The following KIRREL3 variants were observed in gnomAD, a reference collection of about 807,000 sequenced individuals.
The protein encoded by KIRREL3 is kirre like nephrin family adhesion molecule 3.
In KIRREL3, 36 loss-of-function variants were observed where a neutral mutation model predicts 89.7. The observed-to-expected ratio is 0.40, with a 90% CI of 0.31 to 0.53. The LOEUF is 0.53. KIRREL3 is among the 20% of genes least tolerant of loss of function. The pLI is 0.49. For synonymous variants in KIRREL3, 445 were observed against 441.4 expected (o/e 1.01, Z -0.10); for missense variants, 864 against 1,056.6 (o/e 0.82, Z 2.53).
intron 7 of KIRREL3, among the ~76,000 whole-genome samples, chr11:126,452,433 C>T (rs993793913): frequency 2.2e-4 from 33 of 152,336 alleles, no homozygotes; most frequent in African/African-American, 5.5e-4. Context: ...GTGGATGCAG[C>T]GTGAGGCCAA....
chr11:126,602,871 T>C (rs990611492), intron 1 of KIRREL3, among the ~76,000 whole-genome samples: 1 of 152,160 alleles, frequency 6.6e-6, no homozygotes, highest in African/African-American at 2.4e-5. Flanking sequence ...TTTAAGGCCA[T>C]GGTAGGGTCA....
At chr11:126,936,081 A>T (rs890888427) in intron 1 of KIRREL3, 1 of 152,168 alleles carries the variant, frequency 6.6e-6, no homozygotes, top group African/African-American at 2.4e-5. Context: ...ATGGGCAAAA[A>T]ATCTTCAAAA....
intron 1 of KIRREL3, among the ~76,000 whole-genome samples, chr11:126,631,949 AGGATGG>A (rs1944043820): frequency 6.6e-6 from 1 of 152,154 alleles, no homozygotes; most frequent in African/African-American, 2.4e-5. Context: ...TTAGGGGGAA[AGGATGG>A]CTTCCTAGAC....
Position 126,995,939 on chromosome 11 carries a change from G to C in KIRREL3, c.55+4516C>G, listed in dbSNP as rs1950168730. On this transcript the variant is annotated intron_variant, in intron 1 of 16. Transcript: ENST00000525144. This position sits in a 1 kb window ranked among gnomAD's most constrained non-coding sequence, Gnocchi z 6.5. ...TTGGTACCATGCCTAGCTTGCCGCT[G>C]CCTGTTCCAAGCCAAATCCTCCTCT... Among the ~76,000 whole-genome samples the C allele has an allele frequency of 6.6e-6, 1 of 152,126 alleles. No individual in the cohort carries two copies. The highest frequency in any genetic ancestry group is 6.5e-5 in the Admixed American group (1 of 15,276).
Position 126,424,346 on chromosome 11 carries a change from A to C in KIRREL3, c.*234T>G, listed in dbSNP as rs868520903. The C allele has an allele frequency of 3.6e-6, 2 of 557,826 alleles. No individual in the cohort carries two copies. The highest frequency in any genetic ancestry group is 6.4e-6 in the Non-Finnish European group (2 of 310,080). 34.6% of individuals were successfully genotyped at this position (557,826 alleles called of 1,614,324 possible). A position where few individuals can be genotyped will look rare whatever the true frequency, so the allele number is the denominator to read the frequency against. ...GGGTGTCCAGCACTAAGCACAGCGCACTCAGCCGCAGCCTCTGTCTGTCTC... is the reference window on the plus strand; with the variant it reads ...GGGTGTCCAGCACTAAGCACAGCGCCCTCAGCCGCAGCCTCTGTCTGTCTC... On this transcript the variant is annotated 3_prime_UTR_variant, in exon 17 of 17. Coordinates refer to ENST00000525144, the MANE Select transcript of KIRREL3 (RefSeq NM_032531.4).
intron 16 of KIRREL3, among the ~76,000 whole-genome samples, chr11:126,425,330 G>C (rs1329901661): frequency 6.6e-6 from 1 of 152,230 alleles, no homozygotes; most frequent in Non-Finnish European, 1.5e-5. Flanking sequence ...TCAGGGCAAT[G>C]CAGGGTCATT....
At chr11:126,584,950 A>T (rs1055061035) in intron 1 of KIRREL3, among the ~76,000 whole-genome samples, 22 of 149,658 alleles carry the variant, frequency 1.5e-4, no homozygotes, top group Non-Finnish European at 2.4e-4. Flanking sequence ...ACAGAGTCTC[A>T]CTCTGTCGCC....
chr11:126,492,971 C>T lies in KIRREL3; in HGVS notation c.434-19505G>A, dbSNP rs552359081. 1.4e-4 allele frequency among the ~76,000 whole-genome samples: 22 copies of T among 152,314 alleles called. No individual in the cohort carries two copies. Among genetic ancestry groups the T allele is most frequent in the Non-Finnish European group, 2.2e-4 (15 of 68,020 alleles). On this transcript the variant is annotated intron_variant, in intron 4 of 16. Transcript: ENST00000525144. The surrounding 1 kb of genome is among the most constrained non-coding windows in gnomAD (Gnocchi z 4.8). ...CCGTGGGCTGAGTGACCCAAAAGGC[C>T]GTAGAACAGCCTCGGTGCTGCGGCT... is the stretch of plus-strand genomic sequence containing the variant.
intron 1 of KIRREL3, among the ~76,000 whole-genome samples, chr11:126,725,790 G>C (rs1483061533): frequency 6.6e-6 from 1 of 152,196 alleles, no homozygotes; most frequent in Non-Finnish European, 1.5e-5. Flanking sequence ...GGACTACAGA[G>C]AGCATGGGGG....
At chr11:126,741,069 G>A (rs1469170035) in intron 1 of KIRREL3, among the ~76,000 whole-genome samples, 3 of 152,120 alleles carry the variant, frequency 2.0e-5, no homozygotes, top group African/African-American at 7.2e-5. Context: ...CATAACACAG[G>A]CCAACTCTCT....
intron 1 of KIRREL3, among the ~76,000 whole-genome samples, chr11:126,980,309 G>C (rs999570284): frequency 2.4e-4 from 36 of 152,204 alleles, no homozygotes; most frequent in Non-Finnish European, 1.0e-4. Context: ...AAGAGAGATG[G>C]TGCCAGACAG....
In KIRREL3 at chr11:126,948,723, T is replaced by A. The variant is rs917717270; in HGVS notation, c.55+51732A>T. ...TGACTGGATGGAAATACAAGGTGAC[T>A]GACGCCATCCATAGGGTAAACAAAG... On this transcript the variant is annotated intron_variant, in intron 1 of 16. Coordinates refer to ENST00000525144, the MANE Select transcript of KIRREL3 (RefSeq NM_032531.4). This position sits in a 1 kb window ranked among gnomAD's most constrained non-coding sequence, Gnocchi z 4.5. Among the ~76,000 whole-genome samples the A allele has an allele frequency of 6.6e-6, 1 of 152,216 alleles. No homozygotes were observed. The highest frequency in any genetic ancestry group is 1.5e-5 in the Non-Finnish European group (1 of 68,034).
rs567438222 is a variant in KIRREL3, at chr11:126,656,815, G to C, written c.56-93903C>G. On this transcript the variant is annotated intron_variant, in intron 1 of 16. Transcript: ENST00000525144. The surrounding 1 kb of genome is among the most constrained non-coding windows in gnomAD (Gnocchi z 4.0). ...GCCTGTGGTCCCAGCACTTTGGGAG[G>C]CCAAGGTGTGTGCATCGCTTGGGGC... Among the ~76,000 whole-genome samples the C allele has an allele frequency of 5.3e-5, 8 of 152,300 alleles. No homozygotes were observed. The highest frequency in any genetic ancestry group is 4.6e-4 in the Admixed American group (7 of 15,308).
Position 126,645,986 on chromosome 11 carries a change from G to A in KIRREL3, c.56-83074C>T, listed in dbSNP as rs1044318900. ...ATAGGCGGCACTCGGAATGATGTAC[G>A]AGTACTCTTGTCCTCAAAATGATTC... On this transcript the variant is annotated intron_variant, in intron 1 of 16. Transcript: ENST00000525144. The surrounding 1 kb of genome is among the most constrained non-coding windows in gnomAD (Gnocchi z 4.9). Among the ~76,000 whole-genome samples, 10 of 152,162 alleles carry A rather than the reference G, an allele frequency of 6.6e-5. No individual in the cohort carries two copies. The highest frequency in any genetic ancestry group is 2.1e-4 in the South Asian group (1 of 4,826).
At chr11:126,488,184 T>A (rs1450647960) in intron 4 of KIRREL3, among the ~76,000 whole-genome samples, 3 of 152,368 alleles carry the variant, frequency 2.0e-5, no homozygotes, top group African/African-American at 7.2e-5. Context: ...ACTCCTCATC[T>A]GGCTCTGATT....
intron 1 of KIRREL3, among the ~76,000 whole-genome samples, chr11:126,581,873 G>C (rs1445983044): frequency 3.9e-5 from 6 of 152,194 alleles, no homozygotes; most frequent in Admixed American, 2.0e-4. Flanking sequence ...GAAGGGACAA[G>C]GGGAAGGTGC....
At chr11:126,975,910 C>CCCTT (rs1949556988) in intron 1 of KIRREL3, among the ~76,000 whole-genome samples, 1 of 76,102 alleles carries the variant, frequency 1.3e-5, no homozygotes. Context: ...CTCCCTTCCT[C>CCCTT]CCTCCCTTCC....
At chr11:126,585,283 T>C (rs1324157156) in intron 1 of KIRREL3, among the ~76,000 whole-genome samples, 3 of 123,634 alleles carry the variant, frequency 2.4e-5, no homozygotes, top group Admixed American at 1.9e-4. Context: ...TGGGGTGCAA[T>C]GGTGCAATGG....
rs1338223552 is a variant in KIRREL3 at position 126,844,412 on chromosome 11, G to A, written c.55+156043C>T. 6.6e-6 allele frequency among the ~76,000 whole-genome samples: 1 copy of A among 152,148 alleles called. No homozygotes were observed. Among genetic ancestry groups the A allele is most frequent in the Non-Finnish European group, 1.5e-5 (1 of 68,040 alleles). On this transcript the variant is annotated intron_variant, in intron 1 of 16. Coordinates refer to ENST00000525144, the MANE Select transcript of KIRREL3 (RefSeq NM_032531.4). The surrounding 1 kb of genome is among the most constrained non-coding windows in gnomAD (Gnocchi z 4.8). ...CTTTCTGGCAAACCATGGAAGGGACGATACTGAGGAGACCTCCAACCCAAA... is the reference window on the plus strand; with the variant it reads ...CTTTCTGGCAAACCATGGAAGGGACAATACTGAGGAGACCTCCAACCCAAA...
Sources: gnomAD v4.1 joint callset for allele counts (sites outside exome capture counted in the v4.1 genomes callset) on GRCh38, gnomAD v4.1.1 for gene constraint, Gnocchi (gnomAD v3.1) non-coding constraint, MANE v1.5 for transcripts, NCBI Gene and HGNC (gene_info 2026-07-23, HGNC 2026-07-21) for gene names.